The following RIPK1 variants were observed in gnomAD, a reference collection of about 807,000 sequenced individuals.
RIPK1 encodes receptor interacting serine/threonine kinase 1, also known as receptor-interacting serine/threonine-protein kinase 1.
RIPK1 carries 27 observed loss-of-function variants against 62.4 expected under a neutral mutation model. That is an observed-to-expected ratio of 0.43 (90% CI 0.32 to 0.60). The LOEUF (loss-of-function observed/expected upper bound fraction) is 0.60, where lower values mean the gene tolerates loss of function less well. Among genes scored for constraint, RIPK1 ranks in the 20% least tolerant of loss-of-function variants. RIPK1 has a pLI of 0.07. For missense variants in RIPK1, 735 were observed against 831.0 expected, an observed-to-expected ratio of 0.88 and a Z score of 1.42; for synonymous variants, 287 against 303.2, an observed-to-expected ratio of 0.95 and a Z score of 0.55.
chr6:3,109,015 A>G (rs1174107136), intron 9 of RIPK1, among the ~76,000 whole-genome samples: 1 of 152,134 alleles, frequency 6.6e-6, no homozygotes, highest in Non-Finnish European at 1.5e-5. Context: ...TCTCTCCTAC[A>G]AAGATATGCC....
chr6:3,105,693 C>G lies in RIPK1; in HGVS notation c.1218C>G (p.Asn406Lys). Residue 406 changes from asparagine to lysine, a missense_variant, in exon 9 of 11, where the codon AAC becomes AAG. Coordinates refer to ENST00000259808, the MANE Select transcript of RIPK1 (RefSeq NM_001354930.2). The surrounding 1 kb of genome is among the most constrained non-coding windows in gnomAD (Gnocchi z 4.5). ...AGCCCAGACAGAATGTGGCTTACAA[C>G]AGAGAGGAGGAAAGGAGACGCAGGG... ...KQQPRQNVAY[N>K]REEERRRRVS... The G allele has an allele frequency of 6.2e-7, 1 of 1,614,084 alleles. No homozygotes were observed.
At chr6:3,087,197 T>C (rs1211512058) in intron 6 of RIPK1, among the ~76,000 whole-genome samples, 1 of 152,200 alleles carries the variant, frequency 6.6e-6, no homozygotes, top group Non-Finnish European at 1.5e-5. Flanking sequence ...TTTATCTTGG[T>C]GTGGATTCCT....
At chr6:3,080,844 A>T in intron 3 of RIPK1, 135 bp from the exon 4 acceptor site, 1 of 535,196 alleles carries the variant, frequency 1.9e-6, no homozygotes, top group Non-Finnish European at 3.2e-6. Flanking sequence ...TGACAGCAGT[A>T]CTGTGGTGCA....
rs755073412 is a variant in RIPK1, at chr6:3,081,129, C to CGGTA, written c.459+16_459+19dup. ...CTTCCACATTAAGGTAAACCATCAT[C>CGGTA]GGTAGGCTTCCAGAAAGTTGGGTGA... On this transcript the variant is annotated intron_variant, in intron 4 of 10. Transcript: ENST00000259808. 1 of 1,609,248 alleles carries CGGTA rather than the reference C, an allele frequency of 6.2e-7. No individual in the cohort carries two copies. Among genetic ancestry groups the CGGTA allele is most frequent in the East Asian group, 2.2e-5 (1 of 44,856 alleles).
upstream of RIPK1, among the ~76,000 whole-genome samples, chr6:3,067,445 T>C (rs559274958): frequency 6.6e-6 from 1 of 152,326 alleles, no homozygotes; most frequent in Non-Finnish European, 1.5e-5. Context: ...CTAATAAATG[T>C]GTAATAGTAT....
At chr6:3,073,927 C>T (rs372267471) in intron 1 of RIPK1, among the ~76,000 whole-genome samples, 156 of 152,370 alleles carry the variant, frequency 1.0e-3, no homozygotes, top group African/African-American at 3.7e-3. Context: ...TGTAATTCTC[C>T]ATCTCCTTTC....
chr6:3,067,051 ATTTTTTTTTTTT>A (rs36132424), upstream of RIPK1, among the ~76,000 whole-genome samples: 6 of 59,048 alleles, frequency 1.0e-4, no homozygotes, highest in Admixed American at 8.8e-4. Flanking sequence ...TTGCTCCAGG[ATTTTTTTTTTTT>A]TTTTTTTTTT....
intron 5 of RIPK1, 130 bp from the exon 6 acceptor site, chr6:3,085,128 TA>T (rs1759621378): frequency 2.3e-6 from 2 of 887,432 alleles, no homozygotes; most frequent in Non-Finnish European, 3.5e-6. Context: ...CTCCTTGTCA[TA>T]AGGCCATTCC....
intron 7 of RIPK1, among the ~76,000 whole-genome samples, chr6:3,090,666 A>T (rs894472631): frequency 1.3e-5 from 2 of 152,124 alleles, no homozygotes; most frequent in African/African-American, 4.8e-5. Context: ...AGAACGAGCA[A>T]ACAAAAATCA....
chr6:3,082,288 C>T (rs145099896), intron 4 of RIPK1, among the ~76,000 whole-genome samples: 28 of 152,328 alleles, frequency 1.8e-4, no homozygotes, highest in African/African-American at 6.3e-4. Flanking sequence ...CATAACCTAT[C>T]TTCAAATTCA....
chr6:3,068,986 G>C (rs1045120222), intron 1 of RIPK1: 1 of 152,184 alleles, frequency 6.6e-6, no homozygotes, highest in Non-Finnish European at 1.5e-5. Context: ...GCGGGGCCGC[G>C]GGCGCTCCCG....
At chr6:3,102,471 A>G (rs995494542) in intron 7 of RIPK1, among the ~76,000 whole-genome samples, 1 of 152,204 alleles carries the variant, frequency 6.6e-6, no homozygotes, top group African/African-American at 2.4e-5. Flanking sequence ...CAAAATCCAA[A>G]ACACTTCTAA....
At chr6:3,082,811 C>T (rs1376088611) in intron 4 of RIPK1, among the ~76,000 whole-genome samples, 1 of 152,214 alleles carries the variant, frequency 6.6e-6, no homozygotes, top group Non-Finnish European at 1.5e-5. Flanking sequence ...TTGTCAGAAA[C>T]ATCTTCCGCT....
chr6:3,084,783 G>A (rs1019428692), intron 5 of RIPK1, among the ~76,000 whole-genome samples: 3 of 151,828 alleles, frequency 2.0e-5, no homozygotes, highest in Admixed American at 6.6e-5. Flanking sequence ...TAGTAGAGAC[G>A]GGGTTTCACC....
At chr6:3,064,604 A>C (rs1758295918), upstream of RIPK1, among the ~76,000 whole-genome samples, 1 of 152,160 alleles carries the variant, frequency 6.6e-6, no homozygotes, top group Non-Finnish European at 1.5e-5. Flanking sequence ...GGGACCCGCC[A>C]GCAAGATGAG....
intron 9 of RIPK1, among the ~76,000 whole-genome samples, chr6:3,110,405 C>T (rs34569968): frequency 0.02 from 3,058 of 151,946 alleles, 66 homozygotes; most frequent in East Asian, 0.07. Context: ...GAAGGGGTTT[C>T]ACCATGTTGG....
At chr6:3,089,714 CATGAAAACCAAAACAAAGTG>C in intron 7 of RIPK1, 57 bp downstream of exon 7, 1 of 936,922 alleles carries the variant, frequency 1.1e-6, no homozygotes, top group Admixed American at 2.2e-5. Context: ...TACTGTCAAT[CATGAAAACCAAAACAAAGTG>C]ATTTGTTATT....
upstream of RIPK1, among the ~76,000 whole-genome samples, chr6:3,067,565 T>C (rs767720991): frequency 1.3e-5 from 2 of 151,834 alleles, no homozygotes; most frequent in Admixed American, 6.6e-5. Flanking sequence ...TTTAATCAAG[T>C]TGTACATTTT....
chr6:3,068,105 T>G (rs1758465302), upstream of RIPK1: 2 of 590,358 alleles, frequency 3.4e-6, no homozygotes, highest in Non-Finnish European at 4.3e-6. Flanking sequence ...CAGTTCCAAC[T>G]TTGCTCGAGA....
Sources: gnomAD v4.1 joint callset for allele counts (sites outside exome capture counted in the v4.1 genomes callset) on GRCh38, gnomAD v4.1.1 for gene constraint, Gnocchi (gnomAD v3.1) non-coding constraint, MANE v1.5 for transcripts, NCBI Gene and HGNC (gene_info 2026-07-23, HGNC 2026-07-21) for gene names.